The following RUSC1 variants were observed in gnomAD, a reference collection of about 807,000 sequenced individuals.
RUSC1 encodes AP-4 complex accessory subunit RUSC1.
RUSC1 carries 40 observed loss-of-function variants against 72.1 expected under a neutral mutation model. That is an observed-to-expected ratio of 0.55 (90% confidence interval 0.43 to 0.72). The LOEUF is 0.72. Among genes scored for constraint, RUSC1 ranks in the 30% least tolerant of loss-of-function variants. The pLI, the probability that RUSC1 is intolerant of heterozygous loss-of-function variation, is 0.00. For missense variants in RUSC1, 1,092 were observed against 1,172.3 expected (o/e 0.93, Z 1.00); for synonymous variants, 512 against 494.2 (o/e 1.04, Z -0.48).
rs1303682844 is a variant in RUSC1, at chr1:155,330,896, T to A, written c.*325T>A. ...TCCTTCTTCATCCATAAGTGGACTGTGCCAGTACAATACATGCCTCAGCCC... is the reference window on the plus strand; with the variant it reads ...TCCTTCTTCATCCATAAGTGGACTGAGCCAGTACAATACATGCCTCAGCCC... On this transcript the variant is annotated 3_prime_UTR_variant, in exon 10 of 10. Transcript: ENST00000368352. The A allele has an allele frequency of 4.4e-6, 1 of 228,686 alleles. No individual in the cohort carries two copies. Among genetic ancestry groups the A allele is most frequent in the Non-Finnish European group, 8.8e-6 (1 of 114,220 alleles). 14.2% of individuals were successfully genotyped at this position (228,686 alleles called of 1,614,324 possible).
chr1:155,326,889 C>T lies in RUSC1; in HGVS notation c.2171C>T (p.Pro724Leu). The part of the protein sequence containing the change: ...ASDPSDSPNL[P>L]TPGSWWEQLT... ...GACCCCTCTGACTCTCCAAACCTTC[C>T]CACACCAGGGAGCTGGTGGGAGCAG... Residue 724 changes from proline to leucine, a missense_variant, in exon 8 of 10, where the codon CCC (proline) becomes CTC (leucine). Coordinates refer to ENST00000368352, the MANE Select transcript of RUSC1 (RefSeq NM_001105203.2). This position sits in a 1 kb window ranked among gnomAD's most constrained non-coding sequence, Gnocchi z 4.7. 6.2e-7 allele frequency: 1 copy of T among 1,613,804 alleles called. No individual in the cohort carries two copies. The highest frequency in any genetic ancestry group is 1.1e-5 in the South Asian group (1 of 91,086).
intron 2 of RUSC1, chr1:155,323,793 A>G: frequency 2.4e-6 from 1 of 409,088 alleles, no homozygotes; most frequent in South Asian, 1.1e-4. Flanking sequence ...CCAGGAGCCC[A>G]TCGCCTCCGC....
intron 3 of RUSC1, 42 bp downstream of exon 3, chr1:155,324,985 T>G: frequency 6.2e-7 from 1 of 1,613,982 alleles, no homozygotes; most frequent in Non-Finnish European, 8.5e-7. Context: ...CCGAATAAAC[T>G]GCCCTTCGCC....
In RUSC1 at chr1:155,326,773, T is replaced by A; in HGVS notation, c.2055T>A (p.Pro685=). The A allele has an allele frequency of 2.5e-6, 4 of 1,613,028 alleles. No individual in the cohort carries two copies. Among genetic ancestry groups the A allele is most frequent in the Non-Finnish European group, 3.4e-6 (4 of 1,180,016 alleles). The change falls in exon 8 of 10, where the codon CCT becomes CCA. Residue 685 remains proline, a synonymous_variant. Transcript: ENST00000368352. This position sits in a 1 kb window ranked among gnomAD's most constrained non-coding sequence, Gnocchi z 4.7. ...PPQAPAPPGP[P]PALQQTMQAM... ...AGGCCCCTGCCCCTCCAGGCCCACC[T>A]CCAGCTCTGCAGCAGACTATGCAAG... is the stretch of plus-strand genomic sequence containing the variant.
intron 1 of RUSC1, chr1:155,321,215 C>T: frequency 1.5e-6 from 2 of 1,361,490 alleles, no homozygotes; most frequent in South Asian, 2.3e-5. Context: ...CTGACGGCTG[C>T]TCCATCCTTT....
At position 155,322,592 on chromosome 1, in the gene RUSC1, C is replaced by G; in HGVS notation, c.819C>G (p.Phe273Leu). ...NSSWKSEPEK[F>L]DSGWKTNTRI... Reference sequence around the variant, plus strand: ...GCTGGAAAAGTGAACCTGAAAAATTCGACTCTGGTTGGAAAACCAACACAA... The same window carrying G: ...GCTGGAAAAGTGAACCTGAAAAATTGGACTCTGGTTGGAAAACCAACACAA... The change falls in exon 2 of 10, where the codon TTC (phenylalanine) becomes TTG (leucine). Residue 273 changes from phenylalanine (F) to leucine (L), a missense_variant. Coordinates refer to ENST00000368352, the MANE Select transcript of RUSC1 (RefSeq NM_001105203.2). 6.2e-7 allele frequency: 1 copy of G among 1,614,214 alleles called. No individual in the cohort carries two copies.
rs1026426300 is a variant in RUSC1 at position 155,328,372 on chromosome 1, G to C, written c.2540+97G>C. ...TAAAAAACCCTGGGCTTTAAAATAA[G>C]ACCGTGCTTAGTGTGCATTGCAGCT... On this transcript the variant is annotated intron_variant, in intron 9 of 9. Coordinates refer to ENST00000368352, the MANE Select transcript of RUSC1 (RefSeq NM_001105203.2). 4 of 1,315,592 alleles carry C rather than the reference G, an allele frequency of 3.0e-6. No homozygotes were observed. The African/African-American group carries it at 4.4e-5, about 15-fold the overall frequency. 81.5% of individuals were successfully genotyped at this position (1,315,592 alleles called of 1,614,324 possible).
rs752184354 is a variant in RUSC1 at position 155,322,020 on chromosome 1, A to T, written c.247A>T (p.Asn83Tyr). Residue 83 changes from asparagine (N) to tyrosine (Y), a missense_variant, in exon 2 of 10, where the codon AAC becomes TAC. Coordinates refer to ENST00000368352, the MANE Select transcript of RUSC1 (RefSeq NM_001105203.2). Reference sequence around the variant, plus strand: ...CCAGGAGCACGGTCCGGGCCTAGAAAACCGGCAGGACCCGTCACAGGAGGA... The same window carrying T: ...CCAGGAGCACGGTCCGGGCCTAGAATACCGGCAGGACCCGTCACAGGAGGA... The part of the protein sequence containing the change: ...CCQEHGPGLE[N>Y]RQDPSQEEEG... The T allele has an allele frequency of 1.2e-6, 2 of 1,609,494 alleles. No homozygotes were observed. Among genetic ancestry groups the T allele is most frequent in the African/African-American group, 2.7e-5 (2 of 74,828 alleles).
In RUSC1 at chr1:155,322,017, G is replaced by C. The variant is rs2148261733; in HGVS notation, c.244G>C (p.Glu82Gln). Residue 82 changes from glutamate (E) to glutamine (Q), a missense_variant, in exon 2 of 10, where the codon GAA (glutamate) becomes CAA (glutamine). Glu to Gln is a conservative substitution (Grantham distance 29). Coordinates refer to ENST00000368352, the MANE Select transcript of RUSC1 (RefSeq NM_001105203.2). ...RCCQEHGPGLENRQDPSQEEE... is the reference protein window; with the variant it reads ...RCCQEHGPGLQNRQDPSQEEE... ...CTGCCAGGAGCACGGTCCGGGCCTA[G>C]AAAACCGGCAGGACCCGTCACAGGA... 1.2e-6 allele frequency: 2 copies of C among 1,609,314 alleles called. No individual in the cohort carries two copies. Among genetic ancestry groups the C allele is most frequent in the African/African-American group, 1.3e-5 (1 of 75,002 alleles).
chr1:155,325,372 C>T lies in RUSC1; in HGVS notation c.1590C>T (p.Thr530=). Residue 530 remains threonine, a synonymous_variant, in exon 5 of 10, where the codon ACC becomes ACT. Transcript: ENST00000368352. The surrounding 1 kb of genome is among the most constrained non-coding windows in gnomAD (Gnocchi z 6.5). ...SPDVGHLVLT[T]LCPALHALVA... The stretch of plus-strand genomic sequence containing the variant: ...ATGTGGGGCACCTGGTGCTGACCAC[C>T]CTCTGCCCGGCCCTCCACGCCCTGG... 1 of 1,596,028 alleles carries T rather than the reference C, an allele frequency of 6.3e-7. No individual in the cohort carries two copies. Among genetic ancestry groups the T allele is most frequent in the South Asian group, 1.1e-5 (1 of 89,962 alleles).
Position 155,330,765 on chromosome 1 carries a change from A to G in RUSC1, c.*194A>G, listed in dbSNP as rs1201326138. The G allele has an allele frequency of 1.9e-6, 1 of 520,820 alleles. No individual in the cohort carries two copies. The highest frequency in any genetic ancestry group is 2.0e-5 in the African/African-American group (1 of 50,600). The allele number at this position is 520,820 out of a possible 1,614,324, so 32.3% of individuals were successfully genotyped here. A position where few individuals can be genotyped will look rare whatever the true frequency, so the allele number is the denominator to read the frequency against. ...GTAAGGTGAAATCTGCTCTTCTTCC[A>G]AATATATAAAAAAGGAATTGCCCTC... On this transcript the variant is annotated 3_prime_UTR_variant, in exon 10 of 10. Transcript: ENST00000368352.
rs755436542 is a variant in RUSC1 at position 155,324,948 on chromosome 1, G to A, written c.1456+5G>A. ...AGCTGCAGGAGCAGAAGAAAGGTAGGGCACCCTGACTCCCGACCCCGCGCT... is the reference window on the plus strand; with the variant it reads ...AGCTGCAGGAGCAGAAGAAAGGTAGAGCACCCTGACTCCCGACCCCGCGCT... On this transcript the variant is annotated splice_donor_5th_base_variant and intron_variant, in intron 3 of 9. Transcript: ENST00000368352. 9.3e-6 allele frequency: 15 copies of A among 1,614,008 alleles called. No homozygotes were observed. The highest frequency in any genetic ancestry group is 1.3e-5 in the African/African-American group (1 of 74,930).
Position 155,328,143 on chromosome 1 carries a change from C to T in RUSC1, c.2415-7C>T. The T allele has an allele frequency of 6.2e-7, 1 of 1,611,970 alleles. No individual in the cohort carries two copies. The highest frequency in any genetic ancestry group is 1.3e-5 in the African/African-American group (1 of 75,034). ...GTTGAGCTGTGACCCTATGTCCCTT[C>T]TTTTAGGAGACCATCTAGCTGGCTG... On this transcript the variant is annotated splice_polypyrimidine_tract_variant and splice_region_variant and intron_variant, in intron 8 of 9. Transcript: ENST00000368352.
rs1202245151 is a variant in RUSC1, at chr1:155,326,913, A to T, written c.2195A>T (p.Gln732Leu). 3.1e-6 allele frequency: 5 copies of T among 1,613,680 alleles called. No homozygotes were observed. Among genetic ancestry groups the T allele is most frequent in the Non-Finnish European group, 4.2e-6 (5 of 1,180,038 alleles). Residue 732 changes from glutamine to leucine, a missense_variant, in exon 8 of 10, where the codon CAG becomes CTG. Physicochemically the swap from Gln to Leu is moderately radical, Grantham distance 113 (BLOSUM62 -2). Transcript: ENST00000368352. The surrounding 1 kb of genome is among the most constrained non-coding windows in gnomAD (Gnocchi z 4.7). Reference protein sequence around the residue: ...NLPTPGSWWEQLTQASRVYAS... With the variant: ...NLPTPGSWWELLTQASRVYAS... ...CCCACACCAGGGAGCTGGTGGGAGCAGTTGACCCAGGCCTCCCGGGTCTAT... is the reference window on the plus strand; with the variant it reads ...CCCACACCAGGGAGCTGGTGGGAGCTGTTGACCCAGGCCTCCCGGGTCTAT...
chr1:155,320,950 C>A lies in RUSC1; in HGVS notation c.-128C>A, dbSNP rs376418913. ...CCCGCCGGGCGGGGACCGTGGGAGC[C>A]GCGGACAAGCCCAAGGCCGGAGCGG... On this transcript the variant is annotated 5_prime_UTR_variant, in exon 1 of 10. Transcript: ENST00000368352. 6.4e-7 allele frequency: 1 copy of A among 1,560,996 alleles called. No individual in the cohort carries two copies. The highest frequency in any genetic ancestry group is 1.4e-5 in the African/African-American group (1 of 73,092).
In RUSC1 at chr1:155,324,659, G is replaced by C. The variant is rs1651079382; in HGVS notation, c.1358-186G>C. 14 of 1,530,762 alleles carry C rather than the reference G, an allele frequency of 9.1e-6. No homozygotes were observed. The South Asian group carries it at 1.7e-4, about 19-fold the overall frequency. The allele number at this position is 1,530,762 out of a possible 1,614,324, so 94.8% of individuals were successfully genotyped here. On this transcript the variant is annotated intron_variant, in intron 2 of 9. Coordinates refer to ENST00000368352, the MANE Select transcript of RUSC1 (RefSeq NM_001105203.2). ...TGGGGGACAGCGAGTGCTGGGAAGT[G>C]TGCGAGATTTCACTCCGGGGCTCGG...
At position 155,321,980 on chromosome 1, in the gene RUSC1, G is replaced by A; in HGVS notation, c.207G>A (p.Val69=). 6.3e-7 allele frequency: 1 copy of A among 1,599,888 alleles called. No individual in the cohort carries two copies. The highest frequency in any genetic ancestry group is 1.1e-5 in the South Asian group (1 of 89,100). Residue 69 remains valine (V), a synonymous_variant, in exon 2 of 10, where the codon GTG becomes GTA. Coordinates refer to ENST00000368352, the MANE Select transcript of RUSC1 (RefSeq NM_001105203.2). ...ACGCCAATTCCAACAGCCCAGCTGT[G>A]CCCTGCCGGTGCTGCCAGGAGCACG... The part of the protein sequence containing the change: ...LVDANSNSPA[V]PCRCCQEHGP...
chr1:155,325,091 A>C lies in RUSC1; in HGVS notation c.1457-11A>C, dbSNP rs370711770. ...GGCCTCCTAGCGTCTTCCCTTTCCC[A>C]CTCCTCCCAGGTCTTCTGATAGCCG... On this transcript the variant is annotated splice_polypyrimidine_tract_variant and intron_variant, in intron 3 of 9. Transcript: ENST00000368352. The surrounding 1 kb of genome is among the most constrained non-coding windows in gnomAD (Gnocchi z 6.5). 6.2e-7 allele frequency: 1 copy of C among 1,612,188 alleles called. No individual in the cohort carries two copies. The highest frequency in any genetic ancestry group is 1.3e-5 in the African/African-American group (1 of 74,244).
Position 155,322,577 on chromosome 1 carries a change from T to A in RUSC1, c.804T>A (p.Ser268Arg). ...GGAATGTTAACTCTAGCTGGAAAAG[T>A]GAACCTGAAAAATTCGACTCTGGTT... ...NNGNVNSSWK[S>R]EPEKFDSGWK... Residue 268 changes from serine to arginine, a missense_variant, in exon 2 of 10, where the codon AGT (serine) becomes AGA (arginine). Ser to Arg is a moderately radical substitution (Grantham distance 110, BLOSUM62 -1). Coordinates refer to ENST00000368352, the MANE Select transcript of RUSC1 (RefSeq NM_001105203.2). 1.2e-6 allele frequency: 2 copies of A among 1,614,240 alleles called. No individual in the cohort carries two copies. Among genetic ancestry groups the A allele is most frequent in the Non-Finnish European group, 1.7e-6 (2 of 1,180,036 alleles).
Sources: gnomAD v4.1 joint callset for allele counts on GRCh38, gnomAD v4.1.1 for gene constraint, Gnocchi (gnomAD v3.1) non-coding constraint, MANE v1.5 for transcripts, NCBI Gene and HGNC (gene_info 2026-07-23, HGNC 2026-07-21) for gene names.